The following UFL1 variants were observed in gnomAD, a reference collection of about 807,000 sequenced individuals.
The protein encoded by UFL1 is UFM1 specific ligase 1.
UFL1 carries 78 observed loss-of-function variants against 99.3 expected under a neutral mutation model. That is an observed-to-expected ratio of 0.79 (90% confidence interval 0.65 to 0.95). UFL1 has a LOEUF of 0.95. Ranked by LOEUF, UFL1 falls within the 40% of genes least tolerant of loss-of-function variation. The probability of loss-of-function intolerance (pLI) is 0.00; values close to 1 mark genes in which losing one functional copy is unlikely to be tolerated. For missense variants in UFL1, 936 were observed against 937.0 expected (o/e 1.00, Z 0.01); for synonymous variants, 335 against 322.2 (o/e 1.04, Z -0.42).
chr6:96,549,344 C>A, intron 13 of UFL1, 68 bp from the exon 14 acceptor site: 1 of 1,260,084 alleles, frequency 7.9e-7, no homozygotes, highest in Non-Finnish European at 1.1e-6. Context: ...TCCATAGAAA[C>A]AAAATTCCTT....
rs747488679 is a variant in UFL1, at chr6:96,537,392, G to A, written c.821G>A (p.Arg274Lys). The A allele has an allele frequency of 3.8e-6, 6 of 1,579,224 alleles. No individual in the cohort carries two copies. The highest frequency in any genetic ancestry group is 4.3e-6 in the Non-Finnish European group (5 of 1,167,446). ...TTTGTAGAATTTGATGCTTTGTCCA[G>A]ACTTGGAATCCCAGATGCTGTAAGC... Reference protein sequence around the residue: ...NGYLEFDALSRLGIPDAVSYI... With the variant: ...NGYLEFDALSKLGIPDAVSYI... Residue 274 changes from arginine to lysine, a missense_variant, in exon 9 of 19, where the codon AGA (arginine) becomes AAA (lysine). By Grantham distance (26) the Arg-to-Lys change is conservative (BLOSUM62 2). Coordinates refer to ENST00000369278, the MANE Select transcript of UFL1 (RefSeq NM_015323.5).
chr6:96,531,912 G>A (rs1003984914), intron 6 of UFL1, among the ~76,000 whole-genome samples: 1 of 152,054 alleles, frequency 6.6e-6, no homozygotes, highest in South Asian at 2.1e-4. Flanking sequence ...ACCATTTAAG[G>A]CACCATATCT....
chr6:96,536,155 A>G (rs1769849606), intron 7 of UFL1, 89 bp from the exon 8 acceptor site: 2 of 1,300,456 alleles, frequency 1.5e-6, no homozygotes, highest in Non-Finnish European at 2.1e-6. Flanking sequence ...AAGGTTAAGA[A>G]TAAGTAAATT....
At chr6:96,549,921 A>T in intron 15 of UFL1, 122 bp downstream of exon 15, 3 of 1,381,652 alleles carry the variant, frequency 2.2e-6, no homozygotes, top group Non-Finnish European at 2.9e-6. Context: ...TGAGGAAAAA[A>T]ATCTAAAAGT....
intron 2 of UFL1, among the ~76,000 whole-genome samples, chr6:96,523,728 T>C (rs750892996): frequency 2.7e-4 from 41 of 152,192 alleles, no homozygotes; most frequent in Non-Finnish European, 5.9e-4. Flanking sequence ...CAATCCAGTG[T>C]GGTGCTACAC....
rs145465471 is a variant in UFL1, at chr6:96,554,622, C to T, written c.*1119C>T. ...ATTAAATTTCAAATATTTAAAAATA[C>T]TATTTTATATAATTCCTTATGACAT... On this transcript the variant is annotated 3_prime_UTR_variant, in exon 19 of 19. Transcript: ENST00000369278. 1 of 151,938 alleles carries T rather than the reference C, an allele frequency of 6.6e-6. No homozygotes were observed. The highest frequency in any genetic ancestry group is 2.4e-5 in the African/African-American group (1 of 41,368). 9.4% of individuals were successfully genotyped at this position (151,938 alleles called of 1,614,324 possible). A position where few individuals can be genotyped will look rare whatever the true frequency, so the allele number is the denominator to read the frequency against.
intron 11 of UFL1, among the ~76,000 whole-genome samples, chr6:96,541,465 C>G (rs534272321): frequency 3.3e-5 from 5 of 151,384 alleles, no homozygotes; most frequent in Non-Finnish European, 7.4e-5. Flanking sequence ...AGTGCTTTAT[C>G]GGAACTGAAG....
intron 3 of UFL1, 49 bp from the exon 4 acceptor site, chr6:96,525,248 A>G: frequency 7.2e-7 from 1 of 1,389,408 alleles, no homozygotes. Context: ...TTTCAAGCTT[A>G]AGAAACAATA....
chr6:96,553,380 T>A lies in UFL1; in HGVS notation c.2262T>A (p.Asn754Lys), dbSNP rs781429009. 1 of 1,613,854 alleles carries A rather than the reference T, an allele frequency of 6.2e-7. No individual in the cohort carries two copies. Among genetic ancestry groups the A allele is most frequent in the Non-Finnish European group, 8.5e-7 (1 of 1,179,844 alleles). ...KKTGQGDYPLNNELDKEQEDV... is the reference protein window; with the variant it reads ...KKTGQGDYPLKNELDKEQEDV... The stretch of plus-strand genomic sequence containing the variant: ...CTGGGCAGGGAGATTATCCCTTGAA[T>A]AATGAATTAGACAAAGAACAAGAAG... The change falls in exon 19 of 19, where the codon AAT becomes AAA. Residue 754 changes from asparagine to lysine, a missense_variant. Asn to Lys is a moderately conservative substitution (Grantham distance 94). Coordinates refer to ENST00000369278, the MANE Select transcript of UFL1 (RefSeq NM_015323.5).
intron 6 of UFL1, among the ~76,000 whole-genome samples, chr6:96,533,870 A>C (rs541444865): frequency 1.4e-3 from 206 of 151,860 alleles, no homozygotes; most frequent in Non-Finnish European, 2.4e-3. Context: ...TGTCATTCCA[A>C]ACATTTTCAG....
intron 11 of UFL1, among the ~76,000 whole-genome samples, chr6:96,541,042 C>T (rs148729587): frequency 7.3e-4 from 111 of 151,432 alleles, no homozygotes; most frequent in African/African-American, 2.4e-3. Flanking sequence ...TGCCCTCTCC[C>T]AGACTGTAAG....
intron 5 of UFL1, among the ~76,000 whole-genome samples, chr6:96,526,659 G>A (rs1254114474): frequency 2.0e-5 from 3 of 152,130 alleles, no homozygotes; most frequent in African/African-American, 7.2e-5. Flanking sequence ...CCTAAACCAA[G>A]AGACACCCTA....
chr6:96,522,144 GGA>G (rs1769622835), intron 1 of UFL1, among the ~76,000 whole-genome samples, 194 bp downstream of exon 1: 1 of 152,142 alleles, frequency 6.6e-6, no homozygotes, highest in Non-Finnish European at 1.5e-5. Context: ...CCTCAGCCTA[GGA>G]CGCCCTGGAG....
At chr6:96,548,033 C>G (rs1006519145) in intron 12 of UFL1, 131 bp from the exon 13 acceptor site, 1 of 607,788 alleles carries the variant, frequency 1.6e-6, no homozygotes, top group Non-Finnish European at 2.8e-6. Flanking sequence ...CTAGTTGTTG[C>G]TATTTGACAT....
At chr6:96,538,877 T>C in intron 10 of UFL1, 67 bp downstream of exon 10, 1 of 1,374,042 alleles carries the variant, frequency 7.3e-7, no homozygotes, top group Non-Finnish European at 9.8e-7. Context: ...TCTGATGTCT[T>C]TTGAAAAAGG....
rs1320869961 is a variant in UFL1, at chr6:96,521,862, A to G, written c.-12A>G. The G allele has an allele frequency of 6.2e-7, 1 of 1,610,338 alleles. No homozygotes were observed. ...CTGCAGTTCCTCCGCGTCTACTGCG[A>G]GTCAGGCCGTGATGGCGGACGCCTG... On this transcript the variant is annotated 5_prime_UTR_variant, in exon 1 of 19. Transcript: ENST00000369278.
Position 96,544,609 on chromosome 6 carries a change from T to C in UFL1, c.1402+1593T>C, listed in dbSNP as rs558191658. On this transcript the variant is annotated intron_variant, in intron 12 of 18. Transcript: ENST00000369278. ...TGAGATAGGTAGAAATAACTACTGTTCTTCATGTATGTAAAACAACGTTAA... is the reference window on the plus strand; with the variant it reads ...TGAGATAGGTAGAAATAACTACTGTCCTTCATGTATGTAAAACAACGTTAA... 5.3e-5 allele frequency among the ~76,000 whole-genome samples: 8 copies of C among 151,108 alleles called. No individual in the cohort carries two copies. In the South Asian group the frequency reaches 1.5e-3, roughly 27 times the overall value.
intron 4 of UFL1, 46 bp from the exon 5 acceptor site, chr6:96,526,275 A>G (rs375574942): frequency 2.9e-5 from 44 of 1,501,576 alleles, no homozygotes; most frequent in Non-Finnish European, 3.9e-5. Context: ...AACAGAAAAA[A>G]CATTCCTAAT....
At chr6:96,549,887 A>T in intron 15 of UFL1, 88 bp downstream of exon 15, 2 of 1,511,060 alleles carry the variant, frequency 1.3e-6, no homozygotes. Flanking sequence ...GTAAAGAGGA[A>T]AATAAAATAC....
Sources: allele counts gnomAD v4.1 joint callset (sites outside exome capture counted in the v4.1 genomes callset), GRCh38; gene constraint gnomAD v4.1.1; transcripts MANE v1.5; gene names NCBI Gene and HGNC (gene_info 2026-07-23, HGNC 2026-07-21).